ESRRG: variants seen among roughly 807,000 people sequenced by gnomAD.
ESRRG encodes estrogen-related receptor gamma.
ESRRG carries 13 observed loss-of-function variants against 44.0 expected under a neutral mutation model. The observed-to-expected ratio is 0.30, with a 90% CI of 0.19 to 0.47. ESRRG has a LOEUF of 0.47. Ranked by LOEUF, ESRRG falls within the 20% of genes least tolerant of loss-of-function variation. The pLI, the probability that ESRRG is intolerant of heterozygous loss-of-function variation, is 1.00. For missense variants in ESRRG, 395 were observed against 580.6 expected (o/e 0.68, Z 3.29); for synonymous variants, 215 against 214.6 (o/e 1.00, Z -0.02).
At chr1:216,618,706 G>A (rs2061756352) in intron 3 of ESRRG, among the ~76,000 whole-genome samples, 1 of 152,106 alleles carries the variant, frequency 6.6e-6, no homozygotes, top group South Asian at 2.1e-4. Context: ...CCTAATCCAG[G>A]GGAGAGCATA....
At chr1:216,678,091 A>C (rs988108834) in intron 1 of ESRRG, among the ~76,000 whole-genome samples, 15 of 152,220 alleles carry the variant, frequency 9.9e-5, no homozygotes, top group African/African-American at 3.6e-4. Flanking sequence ...ATCTGACTAA[A>C]ACACATAGGG....
At chr1:216,609,520 A>C (rs556549766) in intron 3 of ESRRG, among the ~76,000 whole-genome samples, 1 of 152,248 alleles carries the variant, frequency 6.6e-6, no homozygotes, top group Non-Finnish European at 1.5e-5. Flanking sequence ...CTGTATTTCC[A>C]CTTCTTTCTA....
At chr1:216,785,490 A>G (rs537171487) in intron 2 of ESRRG, among the ~76,000 whole-genome samples, 1 of 152,156 alleles carries the variant, frequency 6.6e-6, no homozygotes, top group East Asian at 1.9e-4. Flanking sequence ...TACCTCATAC[A>G]GCAAGCCCCT....
chr1:216,928,719 A>G (rs2099557), intron 2 of ESRRG, among the ~76,000 whole-genome samples: 87,415 of 152,034 alleles, frequency 0.57, 25,499 homozygotes, highest in Non-Finnish European at 0.62. Context: ...ATTAATCAAC[A>G]AACAAATGGA....
intron 1 of ESRRG, among the ~76,000 whole-genome samples, chr1:216,952,304 T>G: frequency 6.6e-6 from 1 of 152,132 alleles, no homozygotes; most frequent in East Asian, 1.9e-4. Context: ...AGTTCAAGGC[T>G]TAGTGTAGAA....
At chr1:216,859,505 C>T (rs943259613) in intron 2 of ESRRG, among the ~76,000 whole-genome samples, 1 of 152,156 alleles carries the variant, frequency 6.6e-6, no homozygotes, top group African/African-American at 2.4e-5. Flanking sequence ...TTAAACAGTG[C>T]ATGCATGCAA....
intron 1 of ESRRG, among the ~76,000 whole-genome samples, chr1:217,067,559 GT>G (rs1184638575): frequency 6.6e-6 from 1 of 152,172 alleles, no homozygotes; most frequent in African/African-American, 2.4e-5. Context: ...GTAACATACA[GT>G]ATTTTTGAGG....
intron 1 of ESRRG, among the ~76,000 whole-genome samples, chr1:216,994,143 T>C (rs923777741): frequency 6.6e-6 from 1 of 152,208 alleles, no homozygotes; most frequent in African/African-American, 2.4e-5. Flanking sequence ...TTAAAATGTA[T>C]CTTTAAAGTA....
chr1:216,524,851 C>G (rs180714730), intron 5 of ESRRG, among the ~76,000 whole-genome samples: 1 of 152,256 alleles, frequency 6.6e-6, no homozygotes, highest in Admixed American at 6.5e-5. Flanking sequence ...AGCAAATGAT[C>G]TAAGCAGTTG....
chr1:217,077,502 C>T (rs577075792), intron 1 of ESRRG, among the ~76,000 whole-genome samples: 2 of 152,242 alleles, frequency 1.3e-5, no homozygotes, highest in East Asian at 1.9e-4. Context: ...AACAAATCCA[C>T]CACTTTCCAA....
chr1:216,642,392 T>C (rs1247739626), intron 3 of ESRRG, among the ~76,000 whole-genome samples: 2 of 152,020 alleles, frequency 1.3e-5, no homozygotes, highest in East Asian at 3.9e-4. Context: ...TCAAGTTTCA[T>C]ATCAACAAAA....
At chr1:216,979,555 C>T (rs1487739715) in intron 1 of ESRRG, among the ~76,000 whole-genome samples, 2 of 152,062 alleles carry the variant, frequency 1.3e-5, no homozygotes, top group African/African-American at 2.4e-5. Context: ...AGTGGAATCA[C>T]AACATCTGAT....
intron 2 of ESRRG, among the ~76,000 whole-genome samples, chr1:216,819,756 G>T (rs917674096): frequency 6.6e-6 from 1 of 152,030 alleles, no homozygotes; most frequent in Non-Finnish European, 1.5e-5. Flanking sequence ...GACATGGTTT[G>T]TTAATATTAA....
At chr1:217,110,211 C>T (rs1242044321) in intron 1 of ESRRG, among the ~76,000 whole-genome samples, 1 of 152,190 alleles carries the variant, frequency 6.6e-6, no homozygotes, top group Non-Finnish European at 1.5e-5. Context: ...AAATTGTTGT[C>T]AGTGCAGCAC....
chr1:216,792,897 A>G (rs1199654324), intron 2 of ESRRG, among the ~76,000 whole-genome samples: 1 of 152,192 alleles, frequency 6.6e-6, no homozygotes, highest in East Asian at 1.9e-4. Context: ...ATAAGGCACC[A>G]TGATCCCTTA....
intron 2 of ESRRG, among the ~76,000 whole-genome samples, chr1:216,822,750 T>G (rs1043468116): frequency 7.2e-5 from 11 of 152,306 alleles, no homozygotes; most frequent in African/African-American, 2.6e-4. Flanking sequence ...TCTTGAACTT[T>G]AAATATCCAA....
At chr1:216,752,139 T>A (rs891760944) in intron 2 of ESRRG, among the ~76,000 whole-genome samples, 1 of 152,110 alleles carries the variant, frequency 6.6e-6, no homozygotes, top group Admixed American at 6.6e-5. Context: ...GGGCTATTAT[T>A]CCCATTTAAC....
intron 1 of ESRRG, among the ~76,000 whole-genome samples, chr1:217,132,088 G>A (rs193049146): frequency 1.2e-4 from 18 of 152,290 alleles, no homozygotes; most frequent in African/African-American, 4.1e-4. Context: ...GGAAAAGGAG[G>A]GAGGAAAGGA....
chr1:217,053,050 TC>T (rs2086342646), intron 1 of ESRRG, among the ~76,000 whole-genome samples: 1 of 148,174 alleles, frequency 6.7e-6, no homozygotes, highest in South Asian at 2.1e-4. Context: ...ACACCTGTAA[TC>T]CCAGCTGGGA....
Sources: allele counts gnomAD v4.1 joint callset (sites outside exome capture counted in the v4.1 genomes callset), GRCh38; gene constraint gnomAD v4.1.1; transcripts MANE v1.5; gene names NCBI Gene and HGNC (gene_info 2026-07-23, HGNC 2026-07-21).